GPM6A: variants seen among roughly 807,000 people sequenced by gnomAD.
GPM6A encodes glycoprotein M6A.
In GPM6A, 7 loss-of-function variants were observed where a neutral mutation model predicts 32.1. That is an observed-to-expected ratio of 0.22 (90% CI 0.12 to 0.41). The LOEUF is 0.41. Among genes scored for constraint, GPM6A ranks in the 10% least tolerant of loss-of-function variants. GPM6A has a pLI of 1.00. For missense variants in GPM6A, 235 were observed against 347.2 expected, an observed-to-expected ratio of 0.68 and a Z score of 2.57; for synonymous variants, 130 against 123.4, an observed-to-expected ratio of 1.05 and a Z score of -0.35.
chr4:175,828,488 T>C (rs986354842), intron 1 of GPM6A, among the ~76,000 whole-genome samples: 1 of 152,254 alleles, frequency 6.6e-6, no homozygotes, highest in Non-Finnish European at 1.5e-5. Flanking sequence ...AGACAATTGT[T>C]ATTCTTTACA....
chr4:175,888,566 A>G (rs1160137268), intron 1 of GPM6A, among the ~76,000 whole-genome samples: 5 of 152,120 alleles, frequency 3.3e-5, no homozygotes, highest in African/African-American at 1.2e-4. Context: ...TGCTGAATAT[A>G]AGATCAATAT....
intron 1 of GPM6A, among the ~76,000 whole-genome samples, chr4:175,907,853 T>C (rs1442842847): frequency 6.6e-6 from 1 of 152,188 alleles, no homozygotes; most frequent in East Asian, 1.9e-4. Flanking sequence ...TTATGAAGGC[T>C]CCCATGTCAC....
chr4:175,761,341 C>T (rs1024184234), intron 1 of GPM6A, among the ~76,000 whole-genome samples: 3 of 152,162 alleles, frequency 2.0e-5, no homozygotes, highest in African/African-American at 7.2e-5. Context: ...ATCTACCCGC[C>T]TCAGCCTCCC....
intron 1 of GPM6A, among the ~76,000 whole-genome samples, chr4:175,774,149 G>A (rs1404088907): frequency 6.6e-6 from 1 of 152,014 alleles, no homozygotes; most frequent in Non-Finnish European, 1.5e-5. Flanking sequence ...TTTTACCTTA[G>A]ATGTTTGTTC....
chr4:175,751,327 C>T (rs1165646359), intron 1 of GPM6A, among the ~76,000 whole-genome samples: 1 of 152,040 alleles, frequency 6.6e-6, no homozygotes, highest in Non-Finnish European at 1.5e-5. Context: ...ATGGAAATTA[C>T]AGTCAATCAG....
intron 1 of GPM6A, among the ~76,000 whole-genome samples, chr4:175,864,735 ATTTTCTTCTGCG>A (rs951158038): frequency 6.6e-6 from 1 of 151,734 alleles, no homozygotes; most frequent in Non-Finnish European, 1.5e-5. Flanking sequence ...GATCACTGAG[ATTTTCTTCTGCG>A]TTTTCTTCTA....
At chr4:175,998,149 C>CT (rs71595498) in intron 1 of GPM6A, among the ~76,000 whole-genome samples, 5,527 of 147,824 alleles carry the variant, frequency 0.037, 259 homozygotes, top group African/African-American at 0.12. Flanking sequence ...GCTATTACCT[C>CT]TTTTTTTTTT....
intron 1 of GPM6A, among the ~76,000 whole-genome samples, chr4:175,779,002 T>C (rs1216181359): frequency 6.6e-6 from 1 of 152,072 alleles, no homozygotes; most frequent in African/African-American, 2.4e-5. Context: ...AAATTTATTG[T>C]ATAACATTTG....
intron 1 of GPM6A, among the ~76,000 whole-genome samples, chr4:175,920,948 C>G (rs1186349363): frequency 6.6e-6 from 1 of 151,990 alleles, no homozygotes; most frequent in Admixed American, 6.5e-5. Flanking sequence ...GTTCTTGCAT[C>G]AGAACATTGT....
chr4:175,828,669 T>C (rs1735510758), intron 1 of GPM6A, among the ~76,000 whole-genome samples: 1 of 152,148 alleles, frequency 6.6e-6, no homozygotes, highest in Non-Finnish European at 1.5e-5. Flanking sequence ...AATTCGAATC[T>C]GTGGATGAAC....
At chr4:175,714,132 G>A (rs1360652783) in intron 1 of GPM6A, among the ~76,000 whole-genome samples, 2 of 152,030 alleles carry the variant, frequency 1.3e-5, no homozygotes, top group African/African-American at 4.8e-5. Context: ...TTTTTATCAA[G>A]TTCTTCAGTT....
At chr4:175,996,112 G>A (rs1321108236) in intron 1 of GPM6A, among the ~76,000 whole-genome samples, 2 of 152,138 alleles carry the variant, frequency 1.3e-5, no homozygotes, top group South Asian at 4.1e-4. Context: ...TTTCTAGGTT[G>A]AAACTAACTC....
chr4:175,983,739 T>G (rs1561022661), intron 1 of GPM6A, among the ~76,000 whole-genome samples: 1 of 152,172 alleles, frequency 6.6e-6, no homozygotes, highest in Admixed American at 6.5e-5. Flanking sequence ...TAGTCTAGAG[T>G]GTTATTTTAT....
At chr4:175,641,271 A>G (rs1316960654) in intron 4 of GPM6A, 1 of 156,722 alleles carries the variant, frequency 6.4e-6, no homozygotes, top group African/African-American at 2.4e-5. Flanking sequence ...TTTTCTGCCA[A>G]TATTGCAAAC....
intron 4 of GPM6A, among the ~76,000 whole-genome samples, chr4:175,644,193 G>A (rs1741322134): frequency 2.2e-5 from 3 of 137,132 alleles, no homozygotes; most frequent in Admixed American, 1.7e-4. Context: ...GCGCTATCTC[G>A]GCTCACTGCA....
intron 1 of GPM6A, among the ~76,000 whole-genome samples, chr4:175,920,452 T>C (rs1369924146): frequency 2.6e-5 from 4 of 152,228 alleles, no homozygotes; most frequent in Non-Finnish European, 5.9e-5. Context: ...TAGTAACTAA[T>C]ATCACTGGTA....
intron 1 of GPM6A, among the ~76,000 whole-genome samples, chr4:175,906,464 T>C (rs1738133647): frequency 6.6e-6 from 1 of 152,124 alleles, no homozygotes; most frequent in African/African-American, 2.4e-5. Context: ...AAAAACCAAT[T>C]TTAGAAAACA....
At chr4:175,997,274 C>T (rs1367993569) in intron 1 of GPM6A, among the ~76,000 whole-genome samples, 1 of 152,124 alleles carries the variant, frequency 6.6e-6, no homozygotes, top group African/African-American at 2.4e-5. Flanking sequence ...TTTTATGCAG[C>T]AATAAATGCT....
At chr4:175,945,610 T>C (rs916653784) in intron 1 of GPM6A, among the ~76,000 whole-genome samples, 1 of 151,268 alleles carries the variant, frequency 6.6e-6, no homozygotes. Flanking sequence ...ATATAACTTA[T>C]AAGAAACATG....
Sources: allele counts gnomAD v4.1 joint callset (sites outside exome capture counted in the v4.1 genomes callset), GRCh38; gene constraint gnomAD v4.1.1; transcripts MANE v1.5; gene names NCBI Gene and HGNC (gene_info 2026-07-23, HGNC 2026-07-21).